AATF: variants seen among roughly 807,000 people sequenced by gnomAD.
AATF encodes the protein apoptosis antagonizing transcription factor.
Under a neutral mutation model 63.7 loss-of-function variants are expected in AATF, and 48 were observed. The observed-to-expected ratio is 0.75, with a 90% CI of 0.60 to 0.96. The LOEUF (loss-of-function observed/expected upper bound fraction) is 0.96, where lower values mean the gene tolerates loss of function less well. Among genes scored for constraint, AATF ranks in the 40% least tolerant of loss-of-function variants. The pLI is 0.00. For missense variants in AATF, 639 were observed against 685.7 expected, an observed-to-expected ratio of 0.93 and a Z score of 0.76; for synonymous variants, 258 against 247.7, an observed-to-expected ratio of 1.04 and a Z score of -0.39.
chr17:36,954,729 C>T (rs552385615), intron 4 of AATF, among the ~76,000 whole-genome samples: 153 of 152,290 alleles, frequency 1.0e-3, no homozygotes, highest in African/African-American at 3.6e-3. Context: ...GAATGACTTG[C>T]CCAAAGTTGC....
intron 8 of AATF, among the ~76,000 whole-genome samples, chr17:37,014,292 T>TAATAATAATAATAA (rs547730359): frequency 9.7e-4 from 146 of 150,548 alleles, no homozygotes; most frequent in Admixed American, 2.7e-3. Context: ...ATAATAATAA[T>TAATAATAATAATAA]AATAATAATA....
At chr17:37,047,791 A>G (rs2071706274) in intron 11 of AATF, among the ~76,000 whole-genome samples, 1 of 152,186 alleles carries the variant, frequency 6.6e-6, no homozygotes, top group African/African-American at 2.4e-5. Flanking sequence ...GGCTCCGCTG[A>G]CTGGTGGCTG....
chr17:37,026,266 A>C (rs1451998739), intron 10 of AATF, among the ~76,000 whole-genome samples: 1 of 152,260 alleles, frequency 6.6e-6, no homozygotes, highest in Admixed American at 6.5e-5. Context: ...TTAGAAGCCC[A>C]AAATTATTAC....
intron 5 of AATF, 132 bp downstream of exon 5, chr17:36,986,863 A>C: frequency 2.8e-6 from 2 of 702,912 alleles, no homozygotes. Flanking sequence ...TATTTACCTG[A>C]TGGTCAGGAT....
intron 11 of AATF, chr17:37,055,523 C>G (rs1471283711): frequency 6.6e-6 from 1 of 152,196 alleles, no homozygotes; most frequent in African/African-American, 2.4e-5. Context: ...GATGCTGACC[C>G]TCAGATGATG....
rs1483036374 is a variant in AATF at position 36,948,975 on chromosome 17, TCCAGAGCTGTGGGGTGGCC to T, written c.-150_-132del. ...CCGCGCGCCTCCCGGAAGTGGCCGG[TCCAGAGCTGTGGGGTGGCC>T]TCCGCGCGGTCTCTGGCGGAGTCGG... On this transcript the variant is annotated 5_prime_UTR_variant, in exon 1 of 12. Transcript: ENST00000619387. 2.8e-6 allele frequency: 2 copies of T among 702,588 alleles called. No homozygotes were observed. The highest frequency in any genetic ancestry group is 3.6e-5 in the African/African-American group (2 of 54,798). 43.5% of individuals were successfully genotyped at this position (702,588 alleles called of 1,614,324 possible).
intron 11 of AATF, among the ~76,000 whole-genome samples, chr17:37,042,299 A>T (rs557821066): frequency 6.6e-6 from 1 of 151,914 alleles, no homozygotes; most frequent in Non-Finnish European, 1.5e-5. Flanking sequence ...ATTTAATTTC[A>T]TCTGAATTTT....
chr17:37,006,697 C>T (rs965495820), intron 8 of AATF, among the ~76,000 whole-genome samples: 1 of 152,130 alleles, frequency 6.6e-6, no homozygotes, highest in African/African-American at 2.4e-5. Flanking sequence ...TATATGGGGT[C>T]TGATGAGAAA....
intron 11 of AATF, among the ~76,000 whole-genome samples, chr17:37,036,296 A>G (rs2071591645): frequency 6.6e-6 from 1 of 152,108 alleles, no homozygotes; most frequent in African/African-American, 2.4e-5. Context: ...TGGGGTGTCC[A>G]GTTGCGTATC....
rs1029689276 is a variant in AATF at position 37,056,446 on chromosome 17, G to C, written c.1620-155G>C. On this transcript the variant is annotated intron_variant, in intron 11 of 11. Coordinates refer to ENST00000619387, the MANE Select transcript of AATF (RefSeq NM_012138.4). ...TTTGATTGGGTTTCTTCCTTCTGTT[G>C]TATTTGTGAGTAAGAGCTGTGGGGT... The C allele has an allele frequency of 7.3e-6, 5 of 686,016 alleles. No homozygotes were observed. The African/African-American group carries it at 9.0e-5, about 12-fold the overall frequency. The allele number at this position is 686,016 out of a possible 1,614,324, so 42.5% of individuals were successfully genotyped here. A position where few individuals can be genotyped will look rare whatever the true frequency, so the allele number is the denominator to read the frequency against.
At chr17:37,013,497 G>C (rs2071406898) in intron 8 of AATF, among the ~76,000 whole-genome samples, 1 of 152,156 alleles carries the variant, frequency 6.6e-6, no homozygotes, top group Non-Finnish European at 1.5e-5. Context: ...AGGCGGAGGG[G>C]AGCTGGCATG....
At chr17:36,990,091 CAAAT>C (rs908699814) in intron 7 of AATF, among the ~76,000 whole-genome samples, 1 of 137,862 alleles carries the variant, frequency 7.3e-6, no homozygotes, top group African/African-American at 2.5e-5. Context: ...GTGCAAATAA[CAAAT>C]ATATATGTAT....
At chr17:37,014,170 A>G (rs1324391624) in intron 8 of AATF, among the ~76,000 whole-genome samples, 2 of 152,066 alleles carry the variant, frequency 1.3e-5, no homozygotes, top group African/African-American at 4.8e-5. Flanking sequence ...AACTCTCATT[A>G]TACTTGGTTA....
At chr17:36,954,943 C>T (rs928680514) in intron 4 of AATF, among the ~76,000 whole-genome samples, 3 of 151,836 alleles carry the variant, frequency 2.0e-5, no homozygotes, top group African/African-American at 7.3e-5. Flanking sequence ...TCAGAGTCCT[C>T]ATGAAAGAGA....
intron 8 of AATF, among the ~76,000 whole-genome samples, chr17:37,002,766 T>C (rs2071310727): frequency 6.6e-6 from 1 of 151,984 alleles, no homozygotes; most frequent in African/African-American, 2.4e-5. Flanking sequence ...TAAATATTGC[T>C]GAAAGAAATT....
intron 10 of AATF, among the ~76,000 whole-genome samples, chr17:37,022,552 G>C (rs113606618): frequency 6.6e-6 from 1 of 151,726 alleles, no homozygotes; most frequent in African/African-American, 2.4e-5. Flanking sequence ...TGAAATTTCC[G>C]AATCTTCATA....
Position 36,949,068 on chromosome 17 carries a change from C to CG in AATF, c.-53dup. The CG allele has an allele frequency of 7.0e-7, 1 of 1,431,940 alleles. No homozygotes were observed. 88.7% of individuals were successfully genotyped at this position (1,431,940 alleles called of 1,614,324 possible). ...TCCGGCAGGGAAGGAGCTTCGGGGCCGGGGGTTGGGCCGCACATTTACGTG... is the reference window on the plus strand; with the variant it reads ...TCCGGCAGGGAAGGAGCTTCGGGGCCGGGGGGTTGGGCCGCACATTTACGTG... On this transcript the variant is annotated 5_prime_UTR_variant, in exon 1 of 12. Coordinates refer to ENST00000619387, the MANE Select transcript of AATF (RefSeq NM_012138.4).
At chr17:36,973,380 C>T (rs1406609533) in intron 4 of AATF, among the ~76,000 whole-genome samples, 2 of 151,862 alleles carry the variant, frequency 1.3e-5, no homozygotes, top group Admixed American at 6.6e-5. Context: ...GCCTCACAAA[C>T]GTTGCTCTTG....
In AATF at chr17:37,051,891, C is replaced by T. The variant is rs1156700628; in HGVS notation, c.1620-4710C>T. Among the ~76,000 whole-genome samples, 3 of 152,158 alleles carry T rather than the reference C, an allele frequency of 2.0e-5. No homozygotes were observed. In the East Asian group the frequency reaches 5.8e-4, roughly 29 times the overall value. ...AGATAGGTAATTATCCCCTCTACAGCTTAATGACAGTTTAAAAGAAATAAA... is the reference window on the plus strand; with the variant it reads ...AGATAGGTAATTATCCCCTCTACAGTTTAATGACAGTTTAAAAGAAATAAA... On this transcript the variant is annotated intron_variant, in intron 11 of 11. Coordinates refer to ENST00000619387, the MANE Select transcript of AATF (RefSeq NM_012138.4).
Sources: allele counts gnomAD v4.1 joint callset (sites outside exome capture counted in the v4.1 genomes callset), GRCh38; gene constraint gnomAD v4.1.1; transcripts MANE v1.5; gene names NCBI Gene and HGNC (gene_info 2026-07-23, HGNC 2026-07-21).